ITGAV: variants seen among roughly 807,000 people sequenced by gnomAD.
ITGAV encodes integrin alpha-V.
In ITGAV, 76 loss-of-function variants were observed where a neutral mutation model predicts 143.8. The observed-to-expected ratio is 0.53, with a 90% CI of 0.44 to 0.64. The LOEUF is 0.64. Ranked by LOEUF, ITGAV falls within the 30% of genes least tolerant of loss-of-function variation. The probability of loss-of-function intolerance (pLI) is 0.00; values close to 1 mark genes in which losing one functional copy is unlikely to be tolerated. For missense variants in ITGAV, 1,193 were observed against 1,274.7 expected (o/e 0.94, Z 0.98); for synonymous variants, 453 against 446.7 (o/e 1.01, Z -0.18).
At chr2:186,593,695 G>A (rs1251653761) in intron 1 of ITGAV, among the ~76,000 whole-genome samples, 1 of 152,090 alleles carries the variant, frequency 6.6e-6, no homozygotes, top group Admixed American at 6.5e-5. Context: ...CCACCGGGGG[G>A]AAGTAAGGGG....
intron 13 of ITGAV, among the ~76,000 whole-genome samples, 182 bp downstream of exon 13, chr2:186,647,059 T>A (rs1160749543): frequency 1.3e-5 from 2 of 152,216 alleles, no homozygotes; most frequent in Non-Finnish European, 2.9e-5. Flanking sequence ...AAAAGTCAGC[T>A]CTCTTTCCTG....
intron 26 of ITGAV, among the ~76,000 whole-genome samples, chr2:186,672,055 C>T (rs1454278939): frequency 6.6e-6 from 1 of 151,564 alleles, no homozygotes; most frequent in Non-Finnish European, 1.5e-5. Flanking sequence ...GGGTTCACGC[C>T]ATTCTCCTGC....
At chr2:186,632,303 C>A (rs1282745571) in intron 5 of ITGAV, among the ~76,000 whole-genome samples, 1 of 151,944 alleles carries the variant, frequency 6.6e-6, no homozygotes, top group African/African-American at 2.4e-5. Flanking sequence ...GATGCCTATA[C>A]AACCATAACC....
intron 24 of ITGAV, chr2:186,668,457 A>G (rs1419856413): frequency 7.0e-6 from 2 of 284,412 alleles, no homozygotes; most frequent in South Asian, 3.3e-5. Context: ...CAGGCTGGAC[A>G]TGAACTCCTG....
chr2:186,610,069 T>C (rs1687172500), intron 2 of ITGAV, among the ~76,000 whole-genome samples: 1 of 152,150 alleles, frequency 6.6e-6, no homozygotes, highest in South Asian at 2.1e-4. Context: ...GATGAACTAA[T>C]ACTTTCAGTA....
intron 1 of ITGAV, among the ~76,000 whole-genome samples, chr2:186,592,843 A>T (rs1259577439): frequency 6.6e-6 from 1 of 152,198 alleles, no homozygotes; most frequent in Non-Finnish European, 1.5e-5. Flanking sequence ...TAACTTAAAA[A>T]ATGGAAACCA....
At chr2:186,632,813 A>C (rs1687848960) in intron 5 of ITGAV, among the ~76,000 whole-genome samples, 1 of 152,142 alleles carries the variant, frequency 6.6e-6, no homozygotes, top group Admixed American at 6.6e-5. Context: ...ATTAGTCCTC[A>C]TTTCAAATAT....
At chr2:186,658,675 A>G (rs1025106594) in intron 17 of ITGAV, among the ~76,000 whole-genome samples, 3 of 152,060 alleles carry the variant, frequency 2.0e-5, no homozygotes, top group African/African-American at 7.2e-5. Context: ...ACTACATGTA[A>G]TCCTATTGAG....
chr2:186,669,363 G>C (rs2105748117), intron 25 of ITGAV, among the ~76,000 whole-genome samples: 1 of 152,256 alleles, frequency 6.6e-6, no homozygotes, highest in South Asian at 2.1e-4. Flanking sequence ...ATGATCTAAG[G>C]AAAGGTGAAG....
intron 28 of ITGAV, 96 bp from the exon 29 acceptor site, chr2:186,676,717 G>C: frequency 7.7e-7 from 1 of 1,296,538 alleles, no homozygotes; most frequent in Non-Finnish European, 1.0e-6. Flanking sequence ...AGAATATACT[G>C]TGAATTCCAT....
intron 6 of ITGAV, among the ~76,000 whole-genome samples, chr2:186,634,844 G>C (rs1464595864): frequency 2.0e-5 from 3 of 152,182 alleles, no homozygotes; most frequent in African/African-American, 7.2e-5. Context: ...CTTTATTGCT[G>C]ATTATGTCAT....
chr2:186,657,412 A>G (rs1688621415), intron 17 of ITGAV, among the ~76,000 whole-genome samples: 1 of 152,216 alleles, frequency 6.6e-6, no homozygotes, highest in African/African-American at 2.4e-5. Flanking sequence ...AATACATACT[A>G]TCACAGTGCA....
At chr2:186,632,990 TAGATAGATAGATACATAGAC>T (rs1404398831) in intron 5 of ITGAV, among the ~76,000 whole-genome samples, 2 of 151,454 alleles carry the variant, frequency 1.3e-5, no homozygotes, top group East Asian at 1.9e-4. Flanking sequence ...ACTAGATAGA[TAGATAGATAGATACATAGAC>T]AGATAGATAC....
At chr2:186,658,706 GAGAA>G (rs1470630155) in intron 17 of ITGAV, among the ~76,000 whole-genome samples, 2 of 152,040 alleles carry the variant, frequency 1.3e-5, no homozygotes, top group African/African-American at 4.8e-5. Flanking sequence ...GAGGGAGGAA[GAGAA>G]AGAAGTATTT....
chr2:186,637,212 T>C, intron 8 of ITGAV, 103 bp downstream of exon 8: 1 of 919,438 alleles, frequency 1.1e-6, no homozygotes, highest in Non-Finnish European at 1.8e-6. Context: ...CTGGGTGCTG[T>C]GGCTGCAGCC....
At chr2:186,602,821 G>GTC (rs1686949884) in intron 2 of ITGAV, among the ~76,000 whole-genome samples, 1 of 150,338 alleles carries the variant, frequency 6.7e-6, no homozygotes, top group African/African-American at 2.5e-5. Context: ...AGGTTGCAGT[G>GTC]AGCTGAGATT....
intron 2 of ITGAV, among the ~76,000 whole-genome samples, chr2:186,616,966 A>G (rs906900403): frequency 1.3e-5 from 2 of 151,994 alleles, no homozygotes; most frequent in Non-Finnish European, 2.9e-5. Context: ...AAAGCTGCTT[A>G]AGAAAGTCTG....
chr2:186,647,602 T>A (rs1688299357), intron 13 of ITGAV, among the ~76,000 whole-genome samples: 1 of 152,202 alleles, frequency 6.6e-6, no homozygotes. Context: ...TGAGTTAATA[T>A]AAGCTCATTT....
At chr2:186,617,747 ATTATT>A (rs547857089) in intron 2 of ITGAV, among the ~76,000 whole-genome samples, 337 of 152,308 alleles carry the variant, frequency 2.2e-3, no homozygotes, top group African/African-American at 7.7e-3. Flanking sequence ...ATTAAATAAA[ATTATT>A]TTATTGTGTG....
Sources: gnomAD v4.1 joint callset for allele counts (sites outside exome capture counted in the v4.1 genomes callset) on GRCh38, gnomAD v4.1.1 for gene constraint, MANE v1.5 for transcripts, NCBI Gene and HGNC (gene_info 2026-07-23, HGNC 2026-07-21) for gene names.